HK3: variants seen among roughly 807,000 people sequenced by gnomAD.
HK3 encodes the protein hexokinase-3.
Under a neutral mutation model 91.0 loss-of-function variants are expected in HK3, and 93 were observed. That is an observed-to-expected ratio of 1.02 (90% CI 0.86 to 1.21). HK3 has a LOEUF of 1.21. HK3 is among the 50% of genes most tolerant of loss of function. The pLI is 0.00. For missense variants in HK3, 1,235 were observed against 1,247.4 expected (o/e 0.99, Z 0.15); for synonymous variants, 519 against 516.9 (o/e 1.00, Z -0.06).
At position 176,881,499 on chromosome 5, in the gene HK3, T is replaced by A; in HGVS notation, c.2430A>T (p.Leu810=). Reference sequence around the variant, plus strand: ...AGGTCAGGGGTAGCCCCAGATCCTCTAGGATGGCTCGGACCTGCCGCAGGG... The same window carrying A: ...AGGTCAGGGGTAGCCCCAGATCCTCAAGGATGGCTCGGACCTGCCGCAGGG... ...SLALRQVRAI[L]EDLGLPLTSD... The change falls in exon 18 of 19, where the codon CTA becomes CTT. Residue 810 remains leucine, a synonymous_variant. Transcript: ENST00000292432. 1.2e-6 allele frequency: 2 copies of A among 1,606,124 alleles called. No individual in the cohort carries two copies. Among genetic ancestry groups the A allele is most frequent in the Non-Finnish European group, 1.7e-6 (2 of 1,179,500 alleles).
At chr5:176,895,961 AG>A in intron 2 of HK3, 102 bp downstream of exon 2, 1 of 894,250 alleles carries the variant, frequency 1.1e-6, no homozygotes, top group Non-Finnish European at 1.9e-6. Context: ...CTCAGTGGAA[AG>A]GGGCTGCATG....
At chr5:176,895,533 A>G (rs559755136) in intron 2 of HK3, among the ~76,000 whole-genome samples, 1 of 152,344 alleles carries the variant, frequency 6.6e-6, no homozygotes, top group Non-Finnish European at 1.5e-5. Context: ...CAGCTTCTAA[A>G]TCTTGGTCAA....
chr5:176,881,417 G>A lies in HK3; in HGVS notation c.2512C>T (p.Gln838Ter). 6.2e-7 allele frequency: 1 copy of A among 1,612,916 alleles called. No homozygotes were observed. Among genetic ancestry groups the A allele is most frequent in the Non-Finnish European group, 8.5e-7 (1 of 1,180,044 alleles). ...GCAGCTACACCCGCCCCACAGAGCT[G>A]GGCAGCCCTCTGGGACACAGCCTGG... ...VCQAVSQRAA[Q>*]LCGAGVAAVV... The change falls in exon 18 of 19, where the codon CAG becomes TAG. Residue 838 changes from glutamine (Q) to a stop codon, truncating the protein, a stop_gained. Coordinates refer to ENST00000292432, the MANE Select transcript of HK3 (RefSeq NM_002115.3). LOFTEE classifies it high-confidence loss of function.
rs143188683 is a variant in HK3, at chr5:176,895,669, G to A, written c.96+395C>T. ...GACATGCAGGAGGAACTGGAGAGGC[G>A]GGAAAGGAAAGGTCTCAAGAACACA... On this transcript the variant is annotated intron_variant, in intron 2 of 18. Transcript: ENST00000292432. 5.3e-4 allele frequency among the ~76,000 whole-genome samples: 81 copies of A among 152,212 alleles called. 1 individual carries two copies. The highest frequency in any genetic ancestry group is 3.4e-3 in the Middle Eastern group (1 of 292).
chr5:176,881,820 G>C lies in HK3; in HGVS notation c.2265C>G (p.Tyr755Ter). 6.2e-7 allele frequency: 1 copy of C among 1,614,076 alleles called. No individual in the cohort carries two copies. The highest frequency in any genetic ancestry group is 8.5e-7 in the Non-Finnish European group (1 of 1,180,020). The change falls in exon 17 of 19, where the codon TAC becomes TAG. Residue 755 changes from tyrosine (Y) to a stop codon, truncating the protein, a stop_gained. Transcript: ENST00000292432. LOFTEE classifies it high-confidence loss of function. Reference sequence around the variant, plus strand: ...GGATGTGGCGGACGATCTCCCCCAGGTACATGCCGCTGATCATCTTTTCAA... The same window carrying C: ...GGATGTGGCGGACGATCTCCCCCAGCTACATGCCGCTGATCATCTTTTCAA... The part of the protein sequence containing the change: ...QRFEKMISGM[Y>*]LGEIVRHILL...
At position 176,892,704 on chromosome 5, in the gene HK3, A is replaced by G. The variant is rs146065380; in HGVS notation, c.97-1154T>C. ...TCCATTTCAATGACCTATTGCCCCA[A>G]ACTGGACACTTATCTTTGGAATAAC... On this transcript the variant is annotated intron_variant, in intron 2 of 18. Transcript: ENST00000292432. Among the ~76,000 whole-genome samples, 887 of 152,222 alleles carry G rather than the reference A, an allele frequency of 5.8e-3. 2 individuals carry two copies. The highest frequency in any genetic ancestry group is 9.9e-3 in the Non-Finnish European group (671 of 68,014).
At chr5:176,886,929 C>T (rs1356468613) in intron 13 of HK3, 73 bp downstream of exon 13, 2 of 1,576,898 alleles carry the variant, frequency 1.3e-6, no homozygotes, top group East Asian at 4.6e-5. Context: ...TTTCCCCTGC[C>T]TCCTGCCCAC....
chr5:176,884,855 G>A lies in HK3; in HGVS notation c.1858-721C>T, dbSNP rs1365594510. 6.6e-6 allele frequency among the ~76,000 whole-genome samples: 1 copy of A among 152,350 alleles called. No homozygotes were observed. The highest frequency in any genetic ancestry group is 1.5e-5 in the Non-Finnish European group (1 of 68,040). The stretch of plus-strand genomic sequence containing the variant: ...AATTACTGCTTTGCTCAGAGGAGGA[G>A]CATGGAGGGTAGGTCAGGAAATCTT... On this transcript the variant is annotated intron_variant, in intron 13 of 18. Transcript: ENST00000292432. This position sits in a 1 kb window ranked among gnomAD's most constrained non-coding sequence, Gnocchi z 4.1.
intron 5 of HK3, 36 bp from the exon 6 acceptor site, chr5:176,890,766 C>A (rs761698988): frequency 5.0e-6 from 8 of 1,614,214 alleles, no homozygotes; most frequent in Non-Finnish European, 6.8e-6. Context: ...CCTCTGACGG[C>A]CTTCATGGGG....
Position 176,887,727 on chromosome 5 carries a change from C to T in HK3, c.1324G>A (p.Gly442Arg). 6.2e-7 allele frequency: 1 copy of T among 1,610,100 alleles called. No homozygotes were observed. The highest frequency in any genetic ancestry group is 8.5e-7 in the Non-Finnish European group (1 of 1,176,998). ...TCCGGGGCCAGGAGCATCACTGTCC[C>T]CTGCAGGACGCTGCAGAACCTACAG... ...RHPRFCSVLQGTVMLLAPECD... is the reference protein window; with the variant it reads ...RHPRFCSVLQRTVMLLAPECD... The change falls in exon 11 of 19, where the codon GGG (glycine) becomes AGG (arginine). Residue 442 changes from glycine to arginine, a missense_variant. Transcript: ENST00000292432. The surrounding 1 kb of genome is among the most constrained non-coding windows in gnomAD (Gnocchi z 4.9).
chr5:176,884,213 A>T lies in HK3; in HGVS notation c.1858-79T>A. ...CTCTGCCTCTGCAAAACCTGCATCC[A>T]TCACAAGCCTAGGCTTTCCACCCTC... On this transcript the variant is annotated intron_variant, in intron 13 of 18. Transcript: ENST00000292432. The surrounding 1 kb of genome is among the most constrained non-coding windows in gnomAD (Gnocchi z 4.1). 1 of 1,180,254 alleles carries T rather than the reference A, an allele frequency of 8.5e-7. No individual in the cohort carries two copies. The highest frequency in any genetic ancestry group is 1.3e-6 in the Non-Finnish European group (1 of 786,984). The allele number at this position is 1,180,254 out of a possible 1,614,324, so 73.1% of individuals were successfully genotyped here. A position where few individuals can be genotyped will look rare whatever the true frequency, so the allele number is the denominator to read the frequency against.
chr5:176,881,736 C>T lies in HK3; in HGVS notation c.2349G>A (p.Gln783=). ...LFRGQQIQRL[Q]TRDIFKTKFL... is the part of the protein sequence containing the mutation. ...ACTTGGTCTTGAAGATGTCCCTGGT[C>T]TGAAGGCGCTGGATCTGCTGGCCCC... Residue 783 remains glutamine, a synonymous_variant, in exon 17 of 19, where the codon CAG becomes CAA. Transcript: ENST00000292432. The T allele has an allele frequency of 6.2e-7, 1 of 1,614,192 alleles. No individual in the cohort carries two copies.
Position 176,884,182 on chromosome 5 carries a change from G to A in HK3, c.1858-48C>T, listed in dbSNP as rs779847235. 2.0e-6 allele frequency: 3 copies of A among 1,476,266 alleles called. No homozygotes were observed. The highest frequency in any genetic ancestry group is 9.5e-7 in the Non-Finnish European group (1 of 1,054,416). The allele number at this position is 1,476,266 out of a possible 1,614,324, so 91.4% of individuals were successfully genotyped here. A position where few individuals can be genotyped will look rare whatever the true frequency, so the allele number is the denominator to read the frequency against. On this transcript the variant is annotated intron_variant, in intron 13 of 18. Coordinates refer to ENST00000292432, the MANE Select transcript of HK3 (RefSeq NM_002115.3). This position sits in a 1 kb window ranked among gnomAD's most constrained non-coding sequence, Gnocchi z 4.1. Reference sequence around the variant, plus strand: ...TGGCAGGAAGCTGGAGGCCCCTTCAGGCTCACTCTGCCTCTGCAAAACCTG... The same window carrying A: ...TGGCAGGAAGCTGGAGGCCCCTTCAAGCTCACTCTGCCTCTGCAAAACCTG...
chr5:176,891,454 G>A lies in HK3; in HGVS notation c.193C>T (p.Gln65Ter). 1.2e-6 allele frequency: 2 copies of A among 1,614,142 alleles called. No homozygotes were observed. Among genetic ancestry groups the A allele is most frequent in the Non-Finnish European group, 1.7e-6 (2 of 1,179,998 alleles). Residue 65 changes from glutamine to a stop codon, truncating the protein, a stop_gained, in exon 3 of 19, where the codon CAG becomes TAG. Coordinates refer to ENST00000292432, the MANE Select transcript of HK3 (RefSeq NM_002115.3). LOFTEE classifies it high-confidence loss of function. ...CGGACCGCAGGGGCAGGGCTGGCCTGTCCCCTCAGCGCCTGCTCCATGGAA... is the reference window on the plus strand; with the variant it reads ...CGGACCGCAGGGGCAGGGCTGGCCTATCCCCTCAGCGCCTGCTCCATGGAA... ...LGSMEQALRG[Q>*]ASPAPAVRML...
In HK3 at chr5:176,887,777, G is replaced by A. The variant is rs766134771; in HGVS notation, c.1305-31C>T. On this transcript the variant is annotated intron_variant, in intron 10 of 18. Transcript: ENST00000292432. This position sits in a 1 kb window ranked among gnomAD's most constrained non-coding sequence, Gnocchi z 4.9. ...GATACATACAGGTGCACCCGGCTTG[G>A]CCCTGGACCCCCAGACACACACAGG... is the stretch of plus-strand genomic sequence containing the variant. 3 of 1,573,306 alleles carry A rather than the reference G, an allele frequency of 1.9e-6. 1 individual carries two copies. The highest frequency in any genetic ancestry group is 2.4e-5 in the South Asian group (2 of 84,306).
chr5:176,886,850 G>A, intron 13 of HK3, 152 bp downstream of exon 13: 3 of 868,046 alleles, frequency 3.5e-6, no homozygotes, highest in Non-Finnish European at 3.5e-6. Context: ...GGGAAACTGA[G>A]GCTGTGTGCA....
chr5:176,881,343 C>T lies in HK3; in HGVS notation c.2586G>A (p.Val862=), dbSNP rs1199203820. Residue 862 remains valine, a synonymous_variant, in exon 18 of 19, where the codon GTG becomes GTA. Transcript: ENST00000292432. ...RENRGLEELA[V]SVGVDGTLYK... ...AGAGCGTTCCATCCACCCCCACAGA[C>T]ACTGCCAGCTCTTCCAGGCCCCGGT... 1.2e-6 allele frequency: 2 copies of T among 1,613,950 alleles called. No homozygotes were observed. Among genetic ancestry groups the T allele is most frequent in the Non-Finnish European group, 1.7e-6 (2 of 1,180,036 alleles).
intron 2 of HK3, among the ~76,000 whole-genome samples, chr5:176,894,259 C>T (rs993649149): frequency 1.3e-5 from 2 of 152,104 alleles, no homozygotes; most frequent in African/African-American, 2.4e-5. Flanking sequence ...ACTGGCCACA[C>T]GTGGTTAACT....
At chr5:176,882,511 AAG>A (rs1261267193) in intron 15 of HK3, among the ~76,000 whole-genome samples, 1 of 152,152 alleles carries the variant, frequency 6.6e-6, no homozygotes, top group African/African-American at 2.4e-5. Flanking sequence ...TAATCCAACT[AAG>A]AGGTGCTGGG....
Sources: gnomAD v4.1 joint callset for allele counts (sites outside exome capture counted in the v4.1 genomes callset) on GRCh38, gnomAD v4.1.1 for gene constraint, Gnocchi (gnomAD v3.1) non-coding constraint, MANE v1.5 for transcripts, NCBI Gene and HGNC (gene_info 2026-07-23, HGNC 2026-07-21) for gene names.